Variants in LRRC28 observed in about 807,000 individuals in gnomAD.
The protein encoded by LRRC28 is leucine-rich repeat-containing protein 28.
Under a neutral mutation model 45.7 loss-of-function variants are expected in LRRC28, and 39 were observed. The observed-to-expected ratio is 0.85, with a 90% CI of 0.66 to 1.12. The LOEUF (loss-of-function observed/expected upper bound fraction) is 1.12, where lower values mean the gene tolerates loss of function less well. LRRC28 is among the 50% of genes most tolerant of loss of function. The probability of loss-of-function intolerance (pLI) is 0.00; values close to 1 mark genes in which losing one functional copy is unlikely to be tolerated. For synonymous variants in LRRC28, 206 were observed against 178.8 expected (o/e 1.15, Z -1.22); for missense variants, 435 against 438.5 (o/e 0.99, Z 0.07).
At chr15:99,277,051 T>A (rs2081636721) in intron 3 of LRRC28, among the ~76,000 whole-genome samples, 1 of 152,210 alleles carries the variant, frequency 6.6e-6, no homozygotes, top group Admixed American at 6.5e-5. Flanking sequence ...TTTTTATGAT[T>A]ACCTTCAAAT....
At chr15:99,252,407 T>C (rs554523850) in intron 1 of LRRC28, among the ~76,000 whole-genome samples, 1 of 152,292 alleles carries the variant, frequency 6.6e-6, no homozygotes, top group South Asian at 2.1e-4. Flanking sequence ...TGTAATGGTG[T>C]TTTTGAGGCA....
intron 5 of LRRC28, among the ~76,000 whole-genome samples, chr15:99,304,032 C>A (rs1029952766): frequency 6.6e-6 from 1 of 152,140 alleles, no homozygotes; most frequent in South Asian, 2.1e-4. Flanking sequence ...ATAACCTGTA[C>A]GGATATACTA....
In LRRC28 at chr15:99,293,969, A is replaced by G. The variant is rs1458752056; in HGVS notation, c.385+6018A>G. Among the ~76,000 whole-genome samples, 5 of 152,328 alleles carry G rather than the reference A, an allele frequency of 3.3e-5. No homozygotes were observed. The East Asian group carries it at 9.6e-4, about 29-fold the overall frequency. On this transcript the variant is annotated intron_variant, in intron 5 of 9. Transcript: ENST00000301981. ...TCTGGAAATAAAATTCTGGATTGAC[A>G]AGACTTTTTTCTTTGAGCACTTTAA...
At chr15:99,307,675 C>G (rs1312218034) in intron 5 of LRRC28, among the ~76,000 whole-genome samples, 1 of 152,202 alleles carries the variant, frequency 6.6e-6, no homozygotes, top group Non-Finnish European at 1.5e-5. Flanking sequence ...CTCTTAGAGT[C>G]CACACTCCAT....
At chr15:99,261,952 C>T (rs949354838) in intron 2 of LRRC28, among the ~76,000 whole-genome samples, 2 of 152,034 alleles carry the variant, frequency 1.3e-5, no homozygotes, top group Admixed American at 6.6e-5. Flanking sequence ...CCACTGTGCC[C>T]GGCTGGTCTC....
intron 2 of LRRC28, among the ~76,000 whole-genome samples, chr15:99,271,386 C>A (rs1347154442): frequency 6.6e-6 from 1 of 151,490 alleles, no homozygotes; most frequent in Non-Finnish European, 1.5e-5. Context: ...TCAAGCGATT[C>A]TCCTGCCTCA....
chr15:99,268,016 A>G (rs1211359029), intron 2 of LRRC28, among the ~76,000 whole-genome samples: 1 of 152,214 alleles, frequency 6.6e-6, no homozygotes, highest in Non-Finnish European at 1.5e-5. Flanking sequence ...GAAGAGGATA[A>G]TGGCTGGTTC....
intron 9 of LRRC28, among the ~76,000 whole-genome samples, chr15:99,383,994 C>T (rs554299452): frequency 6.6e-6 from 1 of 152,292 alleles, no homozygotes; most frequent in Non-Finnish European, 1.5e-5. Context: ...TCTTGCTGGC[C>T]AATGTACTTA....
chr15:99,385,044 C>T (rs1004704707), intron 9 of LRRC28, among the ~76,000 whole-genome samples: 1 of 152,130 alleles, frequency 6.6e-6, no homozygotes, highest in African/African-American at 2.4e-5. Flanking sequence ...AATCCTTGGG[C>T]CTGAAGGGCA....
At chr15:99,259,676 A>G in intron 2 of LRRC28, 2 of 1,393,318 alleles carry the variant, frequency 1.4e-6, no homozygotes, top group Non-Finnish European at 2.0e-6. Flanking sequence ...ATTTGAAATT[A>G]ATCCCAGACA....
At chr15:99,340,767 A>C (rs1956479378) in intron 6 of LRRC28, among the ~76,000 whole-genome samples, 1 of 152,242 alleles carries the variant, frequency 6.6e-6, no homozygotes, top group Non-Finnish European at 1.5e-5. Flanking sequence ...GCTTTCAAAA[A>C]GGGGGCCCAA....
At chr15:99,367,515 G>A (rs1186955222) in intron 9 of LRRC28, among the ~76,000 whole-genome samples, 2 of 152,012 alleles carry the variant, frequency 1.3e-5, no homozygotes, top group Non-Finnish European at 2.9e-5. Context: ...CTGTGATAAT[G>A]GCACTCATGA....
At chr15:99,308,860 A>C (rs951621288) in intron 5 of LRRC28, among the ~76,000 whole-genome samples, 5 of 152,232 alleles carry the variant, frequency 3.3e-5, no homozygotes, top group Non-Finnish European at 5.9e-5. Flanking sequence ...GGCTGCAGTC[A>C]AGGTTGGGTT....
intron 2 of LRRC28, chr15:99,258,207 G>C: frequency 1.2e-6 from 2 of 1,610,574 alleles, no homozygotes; most frequent in Non-Finnish European, 1.7e-6. Flanking sequence ...GGCCAGTTTG[G>C]TGTCAGTTTC....
intron 5 of LRRC28, among the ~76,000 whole-genome samples, chr15:99,318,873 G>A (rs906695191): frequency 1.3e-5 from 2 of 151,958 alleles, no homozygotes; most frequent in African/African-American, 4.8e-5. Flanking sequence ...TTCTATCAGT[G>A]GAGGTCATCA....
intron 8 of LRRC28, among the ~76,000 whole-genome samples, chr15:99,362,390 A>G (rs1244338490): frequency 2.0e-5 from 3 of 152,180 alleles, no homozygotes; most frequent in Non-Finnish European, 2.9e-5. Context: ...CCCAAAGATG[A>G]GTTGATAATT....
At chr15:99,284,583 C>T (rs1300026448) in intron 3 of LRRC28, 4 of 472,074 alleles carry the variant, frequency 8.5e-6, no homozygotes, top group Non-Finnish European at 1.7e-5. Flanking sequence ...ACTTCTCTTG[C>T]TCTCCTTTCC....
intron 7 of LRRC28, 61 bp downstream of exon 7, chr15:99,352,532 C>A: frequency 2.2e-6 from 3 of 1,372,360 alleles, no homozygotes; most frequent in South Asian, 2.4e-5. Flanking sequence ...TACTTCTGTT[C>A]AATTTTGTCT....
intron 2 of LRRC28, among the ~76,000 whole-genome samples, chr15:99,263,843 A>G (rs1346051559): frequency 6.6e-6 from 1 of 151,456 alleles, no homozygotes; most frequent in Non-Finnish European, 1.5e-5. Flanking sequence ...CTGACAATAG[A>G]TACATCATGG....
Sources: gnomAD v4.1 joint callset for allele counts (sites outside exome capture counted in the v4.1 genomes callset) on GRCh38, gnomAD v4.1.1 for gene constraint, MANE v1.5 for transcripts, NCBI Gene and HGNC (gene_info 2026-07-23, HGNC 2026-07-21) for gene names.